RAD51B: variants seen among roughly 807,000 people sequenced by gnomAD.
RAD51B encodes the protein DNA repair protein RAD51 homolog 2.
In RAD51B, 38 loss-of-function variants were observed where a neutral mutation model predicts 42.2. The ratio of observed to expected loss-of-function variants is 0.90; its 90% CI spans 0.70 to 1.18. The LOEUF (loss-of-function observed/expected upper bound fraction) is 1.18. RAD51B is among the 50% of genes most tolerant of loss of function. RAD51B has a pLI of 0.00. For synonymous variants in RAD51B, 154 were observed against 145.2 expected, an observed-to-expected ratio of 1.06 and a Z score of -0.43; for missense variants, 373 against 400.7, an observed-to-expected ratio of 0.93 and a Z score of 0.59.
intron 10 of RAD51B, among the ~76,000 whole-genome samples, chr14:68,493,049 T>C (rs556090790): frequency 6.6e-6 from 1 of 152,236 alleles, no homozygotes; most frequent in Non-Finnish European, 1.5e-5. Flanking sequence ...CAGAGCTGTC[T>C]CCCAGCGACA....
Position 68,574,272 on chromosome 14 carries a change from G to T in RAD51B, c.1037-20213G>T, listed in dbSNP as rs147929261. 6.0e-4 allele frequency among the ~76,000 whole-genome samples: 91 copies of T among 152,144 alleles called. No individual in the cohort carries two copies. In the East Asian group the frequency reaches 0.014, roughly 23 times the overall value. ...TACTACTGGCTTTTATTGGCTGCAC[G>T]CACCAGCATCTCACTGTGTTGCCCA... On this transcript the variant is annotated intron_variant, in intron 10 of 10. Transcript: ENST00000487270.
intron 8 of RAD51B, among the ~76,000 whole-genome samples, chr14:68,398,712 T>C (rs758116292): frequency 1.1e-4 from 17 of 152,134 alleles, no homozygotes; most frequent in Non-Finnish European, 2.2e-4. Context: ...AAGTCAGTCT[T>C]AAAAACTGGC....
intron 7 of RAD51B, among the ~76,000 whole-genome samples, chr14:68,125,597 G>A (rs990278718): frequency 2.6e-5 from 4 of 152,072 alleles, no homozygotes; most frequent in Non-Finnish European, 5.9e-5. Context: ...TGGTTAATGT[G>A]TACATATTCA....
intron 10 of RAD51B, among the ~76,000 whole-genome samples, chr14:68,609,158 C>T (rs930033551): frequency 5.9e-5 from 9 of 152,198 alleles, no homozygotes; most frequent in African/African-American, 2.2e-4. Context: ...AGGCATTCAG[C>T]ACCCTCACTC....
intron 10 of RAD51B, among the ~76,000 whole-genome samples, chr14:68,544,556 A>T (rs867002209): frequency 1.1e-4 from 16 of 152,232 alleles, no homozygotes; most frequent in Admixed American, 2.6e-4. Context: ...GAGTGAATAA[A>T]ATAAGACTGT....
intron 7 of RAD51B, among the ~76,000 whole-genome samples, chr14:67,941,654 C>T (rs1205630614): frequency 6.6e-6 from 1 of 152,148 alleles, no homozygotes; most frequent in Non-Finnish European, 1.5e-5. Context: ...GGTTTAGTAA[C>T]CTTATCCTTC....
intron 7 of RAD51B, among the ~76,000 whole-genome samples, chr14:68,285,665 G>A (rs1401455969): frequency 6.6e-6 from 1 of 152,206 alleles, no homozygotes; most frequent in Non-Finnish European, 1.5e-5. Flanking sequence ...ATTGTGGCAG[G>A]TTTCTGCCAG....
chr14:68,288,099 G>A (rs78918781), intron 7 of RAD51B, among the ~76,000 whole-genome samples: 2,731 of 152,216 alleles, frequency 0.018, 70 homozygotes, highest in African/African-American at 0.061. Context: ...CCCATGAAGC[G>A]TCAGTTAGAA....
chr14:68,349,685 A>T (rs1269433515), intron 8 of RAD51B, among the ~76,000 whole-genome samples: 2 of 152,026 alleles, frequency 1.3e-5, no homozygotes, highest in Non-Finnish European at 2.9e-5. Context: ...TTTTATATCC[A>T]TGGGGAGCTT....
At chr14:67,824,811 G>T (rs2040757224) in intron 2 of RAD51B, among the ~76,000 whole-genome samples, 1 of 151,666 alleles carries the variant, frequency 6.6e-6, no homozygotes, top group African/African-American at 2.4e-5. Context: ...GGGCACGGTG[G>T]CTCACACCTG....
chr14:68,100,828 G>T (rs146277621), intron 7 of RAD51B, among the ~76,000 whole-genome samples: 4 of 152,288 alleles, frequency 2.6e-5, no homozygotes, highest in Non-Finnish European at 4.4e-5. Context: ...GGGGCATTCA[G>T]CTACCAAATA....
chr14:67,823,702 T>G, intron 2 of RAD51B, 75 bp downstream of exon 2: 2 of 1,106,728 alleles, frequency 1.8e-6, no homozygotes, highest in South Asian at 3.2e-5. Flanking sequence ...CTCTTAAACT[T>G]GAAATATGAA....
chr14:68,493,185 C>T (rs1478991462), intron 10 of RAD51B, among the ~76,000 whole-genome samples: 2 of 152,176 alleles, frequency 1.3e-5, no homozygotes, highest in Non-Finnish European at 2.9e-5. Context: ...ATCCCCCCGG[C>T]CGAATGACCC....
At chr14:67,957,499 C>T (rs889098693) in intron 7 of RAD51B, among the ~76,000 whole-genome samples, 2 of 151,990 alleles carry the variant, frequency 1.3e-5, no homozygotes, top group African/African-American at 4.8e-5. Context: ...CAAAGGAAGG[C>T]AAGAGAAAGT....
rs568991499 is a variant in RAD51B, at chr14:68,215,963, A to G, written c.757-75921A>G. Among the ~76,000 whole-genome samples the G allele has an allele frequency of 5.3e-5, 8 of 152,338 alleles. No homozygotes were observed. The South Asian group carries it at 1.7e-3, about 32-fold the overall frequency. ...TTTATTCTTCACCACCACCACCAGT[A>G]AATGCAGGTGGTTCTTGTCTCATAG... On this transcript the variant is annotated intron_variant, in intron 7 of 10. Transcript: ENST00000471583.
intron 10 of RAD51B, among the ~76,000 whole-genome samples, chr14:68,477,411 G>A (rs1296972444): frequency 2.0e-5 from 3 of 152,080 alleles, no homozygotes; most frequent in East Asian, 1.9e-4. Context: ...CCAGTGCAGC[G>A]ACACTCCCCT....
At chr14:68,447,763 A>G (rs1463810418) in intron 9 of RAD51B, among the ~76,000 whole-genome samples, 2 of 152,022 alleles carry the variant, frequency 1.3e-5, no homozygotes, top group Non-Finnish European at 1.5e-5. Context: ...ATTAAGCTTG[A>G]TGAAAGTCCT....
rs530432105 is a variant in RAD51B, at chr14:68,349,524, C to G, written c.853+57544C>G. On this transcript the variant is annotated intron_variant, in intron 8 of 10. Coordinates refer to ENST00000471583, the MANE Select transcript of RAD51B (RefSeq NM_133510.4). ...TGGGATTGCAGGTTCGTGCCCGACG[C>G]CCAGCTAATTTCTGTATTTTCAGTA... Among the ~76,000 whole-genome samples the G allele has an allele frequency of 4.1e-4, 62 of 152,190 alleles. 1 individual carries two copies. The South Asian group carries it at 0.012, about 31-fold the overall frequency.
At chr14:68,460,708 T>C (rs2085822724) in intron 9 of RAD51B, among the ~76,000 whole-genome samples, 1 of 152,200 alleles carries the variant, frequency 6.6e-6, no homozygotes, top group Non-Finnish European at 1.5e-5. Context: ...CTTTTCCACT[T>C]TCTGAGCCTC....
Sources: allele counts gnomAD v4.1 joint callset (sites outside exome capture counted in the v4.1 genomes callset), GRCh38; gene constraint gnomAD v4.1.1; transcripts MANE v1.5; gene names NCBI Gene and HGNC (gene_info 2026-07-23, HGNC 2026-07-21).